The following TAFA1 variants were observed in gnomAD, a reference collection of about 807,000 sequenced individuals.
TAFA1 encodes the protein TAFA chemokine like family member 1, also known as chemokine-like protein TAFA-1.
In TAFA1, 4 loss-of-function variants were observed where a neutral mutation model predicts 18.5. That is an observed-to-expected ratio of 0.22 (90% CI 0.11 to 0.49). TAFA1 has a LOEUF of 0.49. Ranked by LOEUF, TAFA1 falls within the 20% of genes least tolerant of loss-of-function variation. TAFA1 has a pLI of 0.98. For synonymous variants in TAFA1, 56 were observed against 55.2 expected, an observed-to-expected ratio of 1.01 and a Z score of -0.06; for missense variants, 147 against 169.0, an observed-to-expected ratio of 0.87 and a Z score of 0.72.
intron 2 of TAFA1, among the ~76,000 whole-genome samples, chr3:68,023,530 G>C: frequency 6.6e-6 from 1 of 152,150 alleles, no homozygotes. Flanking sequence ...AGAGCTATTT[G>C]TTGAACAGCA....
chr3:68,484,224 G>A (rs150565481), intron 3 of TAFA1, among the ~76,000 whole-genome samples: 8 of 152,176 alleles, frequency 5.3e-5, no homozygotes, highest in South Asian at 2.1e-4. Context: ...GACTTATAGC[G>A]TATCTCATTT....
the TAFA1 span, among the ~76,000 whole-genome samples, chr3:67,994,019 G>T: frequency 6.6e-6 from 1 of 152,224 alleles, no homozygotes; most frequent in Non-Finnish European, 1.5e-5. Context: ...TTGGTTGGGG[G>T]TGAGCTGTGT....
In TAFA1 at chr3:68,317,276, G is replaced by T. The variant is rs188369742; in HGVS notation, c.119-100004G>T. The stretch of plus-strand genomic sequence containing the variant: ...TCAAGTGAAAGGTTATCAACTGTTG[G>T]TAGTATGCTGCATTAACAGACAACT... On this transcript the variant is annotated intron_variant, in intron 2 of 4. Transcript: ENST00000478136. 4.2e-3 allele frequency among the ~76,000 whole-genome samples: 638 copies of T among 152,218 alleles called. 3 individuals are homozygous for T. The highest frequency in any genetic ancestry group is 6.4e-3 in the Non-Finnish European group (434 of 68,024).
In TAFA1 at chr3:68,130,373, T is replaced by C. The variant is rs539039411; in HGVS notation, c.118+123629T>C. 2.0e-5 allele frequency among the ~76,000 whole-genome samples: 3 copies of C among 152,336 alleles called. No homozygotes were observed. The South Asian group carries it at 6.2e-4, about 32-fold the overall frequency. On this transcript the variant is annotated intron_variant, in intron 2 of 4. Transcript: ENST00000478136. ...GGTAAAAGGCAAATGTGGTTCTTTC[T>C]CCAAGATACAGCTCTGACCCTTTCA... is the stretch of plus-strand genomic sequence containing the variant.
At chr3:68,406,125 A>C (rs534087264) in intron 2 of TAFA1, among the ~76,000 whole-genome samples, 4 of 152,324 alleles carry the variant, frequency 2.6e-5, no homozygotes, top group African/African-American at 9.6e-5. Flanking sequence ...AGTGATGTTA[A>C]TTATTCAAAA....
At chr3:68,442,400 CT>C (rs1436519922) in intron 3 of TAFA1, among the ~76,000 whole-genome samples, 2 of 152,126 alleles carry the variant, frequency 1.3e-5, no homozygotes, top group African/African-American at 4.8e-5. Context: ...CCAAAGACAA[CT>C]CATTTATCCA....
At chr3:68,153,278 G>A (rs764108285) in intron 2 of TAFA1, among the ~76,000 whole-genome samples, 1 of 152,078 alleles carries the variant, frequency 6.6e-6, no homozygotes, top group Non-Finnish European at 1.5e-5. Context: ...CCCAATTAGT[G>A]GAGTTAATAA....
chr3:68,455,227 A>G (rs1462686805), intron 3 of TAFA1, among the ~76,000 whole-genome samples: 1 of 152,010 alleles, frequency 6.6e-6, no homozygotes, highest in Admixed American at 6.6e-5. Flanking sequence ...AGGAAGATGA[A>G]GGCTTGGTCT....
intron 2 of TAFA1, among the ~76,000 whole-genome samples, chr3:68,394,154 C>G (rs1228308794): frequency 6.6e-6 from 1 of 152,100 alleles, no homozygotes; most frequent in African/African-American, 2.4e-5. Flanking sequence ...TCCTGTACAC[C>G]AATAATAGAC....
intron 3 of TAFA1, among the ~76,000 whole-genome samples, chr3:68,439,631 C>A (rs915553248): frequency 1.3e-5 from 2 of 151,582 alleles, no homozygotes; most frequent in South Asian, 4.2e-4. Flanking sequence ...CTAGTCTTCT[C>A]AGGTTCTTCT....
intron 2 of TAFA1, among the ~76,000 whole-genome samples, chr3:68,026,299 T>C (rs756661023): frequency 9.2e-5 from 14 of 151,926 alleles, no homozygotes; most frequent in South Asian, 4.2e-4. Flanking sequence ...GAATGAGAGA[T>C]CTTTTGCTGC....
At chr3:68,507,065 A>G (rs2072770886) in intron 3 of TAFA1, among the ~76,000 whole-genome samples, 1 of 152,236 alleles carries the variant, frequency 6.6e-6, no homozygotes, top group Non-Finnish European at 1.5e-5. Flanking sequence ...CAGGGCAGAC[A>G]TTGATAATCA....
intron 2 of TAFA1, among the ~76,000 whole-genome samples, chr3:68,210,497 A>G (rs566370224): frequency 6.6e-6 from 1 of 152,142 alleles, no homozygotes; most frequent in South Asian, 2.1e-4. Context: ...GACTCACTGA[A>G]TCATCTCAAA....
intron 3 of TAFA1, among the ~76,000 whole-genome samples, chr3:68,418,469 G>C (rs9858612): frequency 9.7e-5 from 5 of 51,588 alleles, no homozygotes; most frequent in African/African-American, 3.3e-4. Context: ...AATATCATCA[G>C]TTAAGGCAAG....
rs2069962773 is a variant in TAFA1, at chr3:68,381,775, C to G, written c.119-35505C>G. Among the ~76,000 whole-genome samples the G allele has an allele frequency of 2.0e-5, 3 of 152,252 alleles. No individual in the cohort carries two copies. The South Asian group carries it at 6.2e-4, about 32-fold the overall frequency. On this transcript the variant is annotated intron_variant, in intron 2 of 4. Transcript: ENST00000478136. The stretch of plus-strand genomic sequence containing the variant: ...AATACCCTTTGTTTCCTTCTGCTGC[C>G]TGATTGCCCTGGCCAGAACTTCCAA...
intron 3 of TAFA1, among the ~76,000 whole-genome samples, chr3:68,472,503 T>TACACACAC (rs144677943): frequency 4.3e-5 from 6 of 141,130 alleles, no homozygotes; most frequent in African/African-American, 1.7e-4. Flanking sequence ...TAGAACTAAA[T>TACACACAC]ACACACACAC....
At chr3:68,490,704 C>T (rs2072434217) in intron 3 of TAFA1, among the ~76,000 whole-genome samples, 1 of 152,080 alleles carries the variant, frequency 6.6e-6, no homozygotes, top group South Asian at 2.1e-4. Context: ...TTTACATTAA[C>T]ATGTGAGGTT....
chr3:68,314,200 C>G lies in TAFA1; in HGVS notation c.119-103080C>G, dbSNP rs139299545. Reference sequence around the variant, plus strand: ...AGGAAACTACCCTTTGTATTGAACACCTGGTCCAATTAGGTAGCGATAGTT... The same window carrying G: ...AGGAAACTACCCTTTGTATTGAACAGCTGGTCCAATTAGGTAGCGATAGTT... On this transcript the variant is annotated intron_variant, in intron 2 of 4. Coordinates refer to ENST00000478136, the MANE Select transcript of TAFA1 (RefSeq NM_213609.4). Among the ~76,000 whole-genome samples, 377 of 152,254 alleles carry G rather than the reference C, an allele frequency of 2.5e-3. 1 individual carries two copies. Among genetic ancestry groups the G allele is most frequent in the African/African-American group, 8.7e-3 (361 of 41,562 alleles).
At chr3:68,286,430 C>A (rs2068008424) in intron 2 of TAFA1, among the ~76,000 whole-genome samples, 2 of 151,784 alleles carry the variant, frequency 1.3e-5, no homozygotes, top group Non-Finnish European at 2.9e-5. Context: ...GAAGTTGCAG[C>A]CCTGAGTTTG....
Sources: allele counts gnomAD v4.1 joint callset (sites outside exome capture counted in the v4.1 genomes callset), GRCh38; gene constraint gnomAD v4.1.1; transcripts MANE v1.5; gene names NCBI Gene and HGNC (gene_info 2026-07-23, HGNC 2026-07-21).